Variants in UBASH3B observed in about 807,000 individuals in gnomAD.
The protein encoded by UBASH3B is ubiquitin associated and SH3 domain containing B, also known as ubiquitin-associated and SH3 domain-containing protein B.
In UBASH3B, 37 loss-of-function variants were observed where a neutral mutation model predicts 83.4. That is an observed-to-expected ratio of 0.44 (90% CI 0.34 to 0.58). The LOEUF (loss-of-function observed/expected upper bound fraction) is 0.58. Among genes scored for constraint, UBASH3B ranks in the 20% least tolerant of loss-of-function variants. The pLI is 0.01. For synonymous variants in UBASH3B, 304 were observed against 318.3 expected, an observed-to-expected ratio of 0.96 and a Z score of 0.48; for missense variants, 657 against 827.2, an observed-to-expected ratio of 0.79 and a Z score of 2.52.
chr11:122,723,328 G>A (rs1860675069), intron 1 of UBASH3B, among the ~76,000 whole-genome samples: 1 of 152,170 alleles, frequency 6.6e-6, no homozygotes, highest in South Asian at 2.1e-4. Flanking sequence ...CTCAAATATG[G>A]TAAATAACCT....
intron 1 of UBASH3B, among the ~76,000 whole-genome samples, chr11:122,659,355 G>A (rs1366212768): frequency 6.6e-6 from 1 of 152,148 alleles, no homozygotes; most frequent in Non-Finnish European, 1.5e-5. Context: ...GAGAGAGGGA[G>A]GTTGGGTTTG....
chr11:122,799,968 G>A (rs536215083), intron 10 of UBASH3B, among the ~76,000 whole-genome samples: 1 of 152,248 alleles, frequency 6.6e-6, no homozygotes, highest in Admixed American at 6.5e-5. Context: ...TTAACCTTAA[G>A]TAAACCTCTT....
At chr11:122,807,931 T>G (rs1565574665) in intron 12 of UBASH3B, 136 bp from the exon 13 acceptor site, 2 of 713,890 alleles carry the variant, frequency 2.8e-6, no homozygotes, top group Non-Finnish European at 5.1e-6. Flanking sequence ...CAAAGCACTT[T>G]CAAAATATTG....
intron 1 of UBASH3B, among the ~76,000 whole-genome samples, chr11:122,729,143 T>C (rs553492416): frequency 1.3e-5 from 2 of 152,340 alleles, no homozygotes; most frequent in African/African-American, 2.4e-5. Flanking sequence ...CTGGGAGGAC[T>C]GGGAGGCTCT....
chr11:122,668,364 A>T (rs1863549536), intron 1 of UBASH3B, among the ~76,000 whole-genome samples: 1 of 152,100 alleles, frequency 6.6e-6, no homozygotes, highest in Non-Finnish European at 1.5e-5. Context: ...TAGCCTTTTC[A>T]TATGGTTTTC....
chr11:122,810,068 GA>G lies in UBASH3B; in HGVS notation c.*189del, dbSNP rs568752167. 5.7e-6 allele frequency: 4 copies of G among 697,268 alleles called. No homozygotes were observed. The highest frequency in any genetic ancestry group is 4.7e-5 in the South Asian group (2 of 42,254). 43.2% of individuals were successfully genotyped at this position (697,268 alleles called of 1,614,324 possible). Reference sequence around the variant, plus strand: ...AATGAGAGAAAGACTTGATTCAGAGGAAAAAAATGTGTTCTCTCTGGACTCT... The same window carrying G: ...AATGAGAGAAAGACTTGATTCAGAGGAAAAAATGTGTTCTCTCTGGACTCT... On this transcript the variant is annotated 3_prime_UTR_variant, in exon 14 of 14. Transcript: ENST00000284273.
intron 1 of UBASH3B, among the ~76,000 whole-genome samples, chr11:122,683,310 G>A (rs998396908): frequency 6.6e-6 from 1 of 151,208 alleles, no homozygotes; most frequent in Non-Finnish European, 1.5e-5. Flanking sequence ...AAAAGACTGT[G>A]ACTATTTAAA....
At chr11:122,794,856 A>C in intron 7 of UBASH3B, 22 bp downstream of exon 7, 1 of 1,612,664 alleles carries the variant, frequency 6.2e-7, no homozygotes, top group Non-Finnish European at 8.5e-7. Flanking sequence ...TGCTAGGGTC[A>C]CACCCCCAAC....
chr11:122,674,848 C>G (rs1297576850), intron 1 of UBASH3B, among the ~76,000 whole-genome samples: 1 of 151,480 alleles, frequency 6.6e-6, no homozygotes, highest in Non-Finnish European at 1.5e-5. Flanking sequence ...CCTGTCTCAG[C>G]CTCCTGAGGA....
intron 1 of UBASH3B, among the ~76,000 whole-genome samples, chr11:122,750,757 T>C (rs1861187028): frequency 6.6e-6 from 1 of 152,202 alleles, no homozygotes; most frequent in Non-Finnish European, 1.5e-5. Flanking sequence ...TAGTCCAAGC[T>C]CTACTTCTGT....
chr11:122,723,833 G>T (rs982385621), intron 1 of UBASH3B, among the ~76,000 whole-genome samples: 1 of 152,228 alleles, frequency 6.6e-6, no homozygotes, highest in East Asian at 1.9e-4. Context: ...AAGGAGGCAG[G>T]GTGGCCCTGG....
chr11:122,713,581 A>G (rs919481594), intron 1 of UBASH3B, among the ~76,000 whole-genome samples: 3 of 152,166 alleles, frequency 2.0e-5, no homozygotes, highest in African/African-American at 7.2e-5. Flanking sequence ...AACTATAGGC[A>G]TGTTGCATTT....
chr11:122,718,490 G>T (rs10892887), intron 1 of UBASH3B, among the ~76,000 whole-genome samples: 24,115 of 152,024 alleles, frequency 0.16, 2,354 homozygotes, highest in African/African-American at 0.28. Context: ...GCAAGTTATT[G>T]AAGCTTTGAA....
chr11:122,728,038 G>A (rs12277183), intron 1 of UBASH3B, among the ~76,000 whole-genome samples: 56,939 of 151,634 alleles, frequency 0.38, 10,939 homozygotes, highest in East Asian at 0.54. Flanking sequence ...GAGGTCTCCT[G>A]TGTTGCCCAG....
chr11:122,686,174 T>TGG (rs1267460116), intron 1 of UBASH3B, among the ~76,000 whole-genome samples: 1 of 152,194 alleles, frequency 6.6e-6, no homozygotes, highest in Non-Finnish European at 1.5e-5. Context: ...TGGAGTCCTT[T>TGG]GGGGAACATG....
intron 1 of UBASH3B, among the ~76,000 whole-genome samples, chr11:122,693,345 G>T (rs947357225): frequency 4.6e-5 from 7 of 152,178 alleles, no homozygotes; most frequent in Non-Finnish European, 1.0e-4. Context: ...TGGGCTCAGA[G>T]GCCTGACAAT....
chr11:122,777,221 G>A lies in UBASH3B; in HGVS notation c.402+11G>A. On this transcript the variant is annotated intron_variant, in intron 3 of 13. Transcript: ENST00000284273. The stretch of plus-strand genomic sequence containing the variant: ...TGCCAGTTCTTTATGGTGAGCGGCA[G>A]CGCCCCCACCCCTGGGAAGCCTGGC... 6.2e-7 allele frequency: 1 copy of A among 1,604,178 alleles called. No homozygotes were observed. The highest frequency in any genetic ancestry group is 8.5e-7 in the Non-Finnish European group (1 of 1,174,108).
At chr11:122,740,138 A>T (rs1861001122) in intron 1 of UBASH3B, among the ~76,000 whole-genome samples, 1 of 152,192 alleles carries the variant, frequency 6.6e-6, no homozygotes, top group South Asian at 2.1e-4. Flanking sequence ...GAGGAATAAT[A>T]TTCAGTTCTA....
intron 1 of UBASH3B, among the ~76,000 whole-genome samples, chr11:122,720,799 C>A (rs1357215928): frequency 6.6e-6 from 1 of 152,190 alleles, no homozygotes; most frequent in Non-Finnish European, 1.5e-5. Context: ...TCCCTTCCCA[C>A]CCTTCCCTGC....
Sources: allele counts gnomAD v4.1 joint callset (sites outside exome capture counted in the v4.1 genomes callset), GRCh38; gene constraint gnomAD v4.1.1; transcripts MANE v1.5; gene names NCBI Gene and HGNC (gene_info 2026-07-23, HGNC 2026-07-21).